The following NTN1 variants were observed in gnomAD, a reference collection of about 807,000 sequenced individuals.
NTN1 encodes netrin-1.
Under a neutral mutation model 54.2 loss-of-function variants are expected in NTN1, and 11 were observed. The ratio of observed to expected loss-of-function variants is 0.20; its 90% CI spans 0.13 to 0.34. The LOEUF (loss-of-function observed/expected upper bound fraction) is 0.34, where lower values mean the gene tolerates loss of function less well. Among genes scored for constraint, NTN1 ranks in the 10% least tolerant of loss-of-function variants. The pLI, the probability that NTN1 is intolerant of heterozygous loss-of-function variation, is 1.00. For missense variants in NTN1, 740 were observed against 893.1 expected, an observed-to-expected ratio of 0.83 and a Z score of 2.18; for synonymous variants, 371 against 382.0, an observed-to-expected ratio of 0.97 and a Z score of 0.33.
At chr17:9,227,284 C>T (rs907265755) in intron 6 of NTN1, among the ~76,000 whole-genome samples, 14 of 150,568 alleles carry the variant, frequency 9.3e-5, no homozygotes, top group South Asian at 8.4e-4. Flanking sequence ...ACCACATGCA[C>T]GCATACACAC....
chr17:9,221,291 C>T lies in NTN1; in HGVS notation c.1486+49C>T, dbSNP rs1371423232. 2 of 1,461,748 alleles carry T rather than the reference C, an allele frequency of 1.4e-6. No homozygotes were observed. Among genetic ancestry groups the T allele is most frequent in the Admixed American group, 1.7e-5 (1 of 59,758 alleles). 90.5% of individuals were successfully genotyped at this position (1,461,748 alleles called of 1,614,324 possible). Reference sequence around the variant, plus strand: ...GGGAGGATGGGAGGGGGCCACGTGACCAGCGAGGTGCTGGGGCTGGGGTGC... The same window carrying T: ...GGGAGGATGGGAGGGGGCCACGTGATCAGCGAGGTGCTGGGGCTGGGGTGC... On this transcript the variant is annotated intron_variant, in intron 6 of 6. Transcript: ENST00000173229. The surrounding 1 kb of genome is among the most constrained non-coding windows in gnomAD (Gnocchi z 4.5).
At chr17:9,024,767 C>G (rs1227205024) in intron 2 of NTN1, among the ~76,000 whole-genome samples, 1 of 152,208 alleles carries the variant, frequency 6.6e-6, no homozygotes, top group Non-Finnish European at 1.5e-5. Context: ...GCTCGTGTCC[C>G]GCTCTTGCAG....
chr17:9,082,266 G>T (rs185870261), intron 2 of NTN1, among the ~76,000 whole-genome samples: 82 of 152,254 alleles, frequency 5.4e-4, no homozygotes, highest in African/African-American at 1.9e-3. Context: ...TTGCCACGTT[G>T]GCTAGGCTGG....
chr17:9,183,636 T>G, intron 5 of NTN1: 1 of 225,644 alleles, frequency 4.4e-6, no homozygotes, highest in Non-Finnish European at 9.0e-6. Flanking sequence ...GATCCTGATT[T>G]ATAATCATTA....
At chr17:9,071,582 A>C (rs2092032140) in intron 2 of NTN1, among the ~76,000 whole-genome samples, 1 of 152,192 alleles carries the variant, frequency 6.6e-6, no homozygotes, top group African/African-American at 2.4e-5. Context: ...GTGGAAGCCA[A>C]AGGACTTGGC....
At chr17:9,098,217 C>T (rs1274284877) in intron 2 of NTN1, among the ~76,000 whole-genome samples, 1 of 152,168 alleles carries the variant, frequency 6.6e-6, no homozygotes, top group Admixed American at 6.5e-5. Flanking sequence ...GCCACCTGTT[C>T]GTGTGACCCT....
chr17:9,067,058 G>A (rs999822734), intron 2 of NTN1, among the ~76,000 whole-genome samples: 5 of 151,886 alleles, frequency 3.3e-5, no homozygotes, highest in African/African-American at 9.7e-5. Flanking sequence ...GCCGAGGTGG[G>A]CGGATCACAT....
chr17:9,203,068 CTG>C (rs1186153499), intron 5 of NTN1, among the ~76,000 whole-genome samples: 6 of 152,184 alleles, frequency 3.9e-5, no homozygotes, highest in Admixed American at 2.0e-4. Flanking sequence ...ACTACAGGCG[CTG>C]GCCACCAAGC....
At chr17:9,199,802 ATCT>A (rs538165611) in intron 5 of NTN1, among the ~76,000 whole-genome samples, 22 of 152,190 alleles carry the variant, frequency 1.4e-4, no homozygotes, top group Non-Finnish European at 2.5e-4. Context: ...TTCACTGTAG[ATCT>A]TCTTTGATCA....
intron 2 of NTN1, among the ~76,000 whole-genome samples, chr17:9,083,484 G>C (rs2092079220): frequency 6.6e-6 from 1 of 152,234 alleles, no homozygotes; most frequent in South Asian, 2.1e-4. Flanking sequence ...CTGGCTACAG[G>C]AATTGGTTCA....
chr17:9,009,924 C>G, the NTN1 span, among the ~76,000 whole-genome samples: 3 of 152,150 alleles, frequency 2.0e-5, no homozygotes, highest in Admixed American at 1.3e-4. Context: ...ACCTCCCTGA[C>G]GTCAGTTTCC....
intron 2 of NTN1, among the ~76,000 whole-genome samples, chr17:9,100,511 C>A (rs2092146984): frequency 6.6e-6 from 1 of 151,788 alleles, no homozygotes; most frequent in African/African-American, 2.4e-5. Flanking sequence ...CCATGTTGGC[C>A]AGGATGGTCT....
intron 2 of NTN1, among the ~76,000 whole-genome samples, chr17:9,059,153 T>A (rs2091988515): frequency 6.6e-6 from 1 of 152,148 alleles, no homozygotes. Context: ...ACATGCTGAA[T>A]CCTGGGTTTA....
Position 9,207,445 on chromosome 17 carries a change from C to T in NTN1, c.1412-13723C>T, listed in dbSNP as rs540446833. ...CAACATTTTTTAGTGCCTGTCATGT[C>T]GGGCTTCATCTCGCTGGAACTTTAA... On this transcript the variant is annotated intron_variant, in intron 5 of 6. Coordinates refer to ENST00000173229, the MANE Select transcript of NTN1 (RefSeq NM_004822.3). Among the ~76,000 whole-genome samples, 9 of 152,286 alleles carry T rather than the reference C, an allele frequency of 5.9e-5. No individual in the cohort carries two copies. The East Asian group carries it at 1.3e-3, about 23-fold the overall frequency.
chr17:9,155,325 G>A (rs796630207), intron 2 of NTN1, among the ~76,000 whole-genome samples: 27 of 149,418 alleles, frequency 1.8e-4, no homozygotes, highest in African/African-American at 5.4e-4. Flanking sequence ...ACCTCCTGGA[G>A]CAGCTTTCTT....
chr17:9,196,986 T>C (rs976938332), intron 5 of NTN1, among the ~76,000 whole-genome samples: 3 of 151,914 alleles, frequency 2.0e-5, no homozygotes, highest in Admixed American at 1.3e-4. Context: ...AAATTGGCCA[T>C]GGTGGGAATA....
chr17:9,133,675 C>T (rs894540462), intron 2 of NTN1, among the ~76,000 whole-genome samples: 1 of 150,688 alleles, frequency 6.6e-6, no homozygotes, highest in African/African-American at 2.4e-5. Flanking sequence ...GCAACCTCCA[C>T]CTCCCGGGTT....
chr17:9,226,579 G>T (rs1284526762), intron 6 of NTN1, among the ~76,000 whole-genome samples: 7 of 151,946 alleles, frequency 4.6e-5, no homozygotes, highest in Non-Finnish European at 8.8e-5. Context: ...GCCCTCTCCT[G>T]GGGCACTCAG....
intron 2 of NTN1, among the ~76,000 whole-genome samples, chr17:9,047,659 GT>G: frequency 6.7e-6 from 1 of 149,798 alleles, no homozygotes; most frequent in East Asian, 1.9e-4. Context: ...TCCTGTTAAT[GT>G]TGATATTTTG....
Sources: gnomAD v4.1 joint callset for allele counts (sites outside exome capture counted in the v4.1 genomes callset) on GRCh38, gnomAD v4.1.1 for gene constraint, Gnocchi (gnomAD v3.1) non-coding constraint, MANE v1.5 for transcripts, NCBI Gene and HGNC (gene_info 2026-07-23, HGNC 2026-07-21) for gene names.